The following PCDHGB2 variants were observed in gnomAD, a reference collection of about 807,000 sequenced individuals.
PCDHGB2 encodes the protein protocadherin gamma-B2.
A neutral mutation model predicts 59.3 loss-of-function variants in PCDHGB2; 55 were observed. That is an observed-to-expected ratio of 0.93 (90% CI 0.75 to 1.16). The LOEUF is 1.16. Ranked by LOEUF, PCDHGB2 falls within the 50% of genes most tolerant of loss-of-function variation. The pLI, the probability that PCDHGB2 is intolerant of heterozygous loss-of-function variation, is 0.00. For synonymous variants in PCDHGB2, 516 were observed against 512.0 expected (o/e 1.01, Z -0.11); for missense variants, 1,228 against 1,198.5 (o/e 1.02, Z -0.36).
intron 1 of PCDHGB2, chr5:141,400,486 CT>C: frequency 1.2e-6 from 2 of 1,614,034 alleles, no homozygotes; most frequent in African/African-American, 1.3e-5. Context: ...CTTATTTCCA[CT>C]TTGTAATTCC....
At chr5:141,384,606 AGAT>A (rs1561603197) in intron 1 of PCDHGB2, 6 of 1,614,152 alleles carry the variant, frequency 3.7e-6, no homozygotes, top group Non-Finnish European at 5.1e-6. Flanking sequence ...CCCTCCCCAC[AGAT>A]GGTTCTACTG....
chr5:141,470,037 G>A lies in PCDHGB2; in HGVS notation c.2422-24770G>A, dbSNP rs76537989. Among the ~76,000 whole-genome samples the A allele has an allele frequency of 2.3e-3, 347 of 152,258 alleles. 6 individuals are homozygous for A. The East Asian group carries it at 0.048, about 21-fold the overall frequency. On this transcript the variant is annotated intron_variant, in intron 1 of 3. Transcript: ENST00000522605. ...CCAGCTACTCGGGATGCTGAGGCGC[G>A]AGAACTGTTTGAACCCCGGAGGCAG...
At chr5:141,408,478 T>C (rs1433834175) in intron 1 of PCDHGB2, 1 of 1,614,056 alleles carries the variant, frequency 6.2e-7, no homozygotes, top group Non-Finnish European at 8.5e-7. Context: ...GAATAGACCG[T>C]GAGCAAATAT....
intron 2 of PCDHGB2, among the ~76,000 whole-genome samples, chr5:141,499,234 A>G (rs1294400331): frequency 6.6e-6 from 1 of 152,008 alleles, no homozygotes; most frequent in Non-Finnish European, 1.5e-5. Flanking sequence ...AGCTGTCCCC[A>G]GCCTCTGCAC....
rs1289333371 is a variant in PCDHGB2, at chr5:141,460,404, G to C, written c.2422-34403G>C. Among the ~76,000 whole-genome samples, 21 of 152,038 alleles carry C rather than the reference G, an allele frequency of 1.4e-4. 1 individual carries two copies. The highest frequency in any genetic ancestry group is 1.4e-3 in the Admixed American group (21 of 15,256). Reference sequence around the variant, plus strand: ...TATAATTTGGTCTATGAATCCTTTTGAGTTGATGTTTATGTATGGTGTATG... The same window carrying C: ...TATAATTTGGTCTATGAATCCTTTTCAGTTGATGTTTATGTATGGTGTATG... On this transcript the variant is annotated intron_variant, in intron 1 of 3. Transcript: ENST00000522605.
At chr5:141,428,122 G>T in intron 1 of PCDHGB2, 1 of 1,606,172 alleles carries the variant, frequency 6.2e-7, no homozygotes, top group Non-Finnish European at 8.5e-7. Flanking sequence ...ATCGAGCCCG[G>T]GCTTTTCAGC....
Position 141,361,570 on chromosome 5 carries a change from C to T in PCDHGB2, c.1435C>T (p.Pro479Ser). The T allele has an allele frequency of 6.2e-7, 1 of 1,614,036 alleles. No individual in the cohort carries two copies. Among genetic ancestry groups the T allele is most frequent in the Non-Finnish European group, 8.5e-7 (1 of 1,179,894 alleles). ...TATCGCTCAAATCAGTGCCTCTGACCCTGACTTGGGCCCCAGTGGCCAAGT... is the reference window on the plus strand; with the variant it reads ...TATCGCTCAAATCAGTGCCTCTGACTCTGACTTGGGCCCCAGTGGCCAAGT... Reference protein sequence around the residue: ...ASIAQISASDPDLGPSGQVSY... With the variant: ...ASIAQISASDSDLGPSGQVSY... Residue 479 changes from proline (P) to serine (S), a missense_variant, in exon 1 of 4, where the codon CCT (proline) becomes TCT (serine). This residue lies in a region of PCDHGB2 where 781 missense variants were observed against 721.6 expected (regional missense o/e 1.08). Coordinates refer to ENST00000522605, the MANE Select transcript of PCDHGB2 (RefSeq NM_018923.3).
At chr5:141,471,263 C>T (rs2099253826) in intron 1 of PCDHGB2, 1 of 151,898 alleles carries the variant, frequency 6.6e-6, no homozygotes, top group African/African-American at 2.4e-5. Context: ...GTTGGCAAGG[C>T]TGGTCTCAAA....
At chr5:141,438,548 C>T (rs1423036586) in intron 1 of PCDHGB2, among the ~76,000 whole-genome samples, 2 of 135,792 alleles carry the variant, frequency 1.5e-5, no homozygotes, top group Non-Finnish European at 3.1e-5. Context: ...ATATCTAAGC[C>T]CTAATAAGAG....
chr5:141,415,056 G>T, intron 1 of PCDHGB2: 1 of 1,613,416 alleles, frequency 6.2e-7, no homozygotes. Context: ...GGGAGCACAC[G>T]GGCGAGGTGC....
Position 141,491,166 on chromosome 5 carries a change from G to A in PCDHGB2, c.2422-3641G>A. 1 of 1,614,150 alleles carries A rather than the reference G, an allele frequency of 6.2e-7. No individual in the cohort carries two copies. The highest frequency in any genetic ancestry group is 8.5e-7 in the Non-Finnish European group (1 of 1,179,964). ...TACTGGAGGATGACTCTGACACCCA[G>A]CAGGTGGTGGTCCTGGTGAGGGACA... On this transcript the variant is annotated intron_variant, in intron 1 of 3. Transcript: ENST00000522605. The surrounding 1 kb of genome is among the most constrained non-coding windows in gnomAD (Gnocchi z 6.9).
chr5:141,410,598 C>T, intron 1 of PCDHGB2: 2 of 1,608,528 alleles, frequency 1.2e-6, no homozygotes, highest in Non-Finnish European at 1.7e-6. Context: ...GATTTGACTT[C>T]ACATCCTGAG....
chr5:141,362,601 A>T, intron 1 of PCDHGB2, 45 bp downstream of exon 1: 6 of 1,575,186 alleles, frequency 3.8e-6, no homozygotes, highest in Non-Finnish European at 5.2e-6. Flanking sequence ...TTATTGTTTC[A>T]CCTAATTTGG....
intron 1 of PCDHGB2, chr5:141,387,617 T>C (rs1169967462): frequency 3.5e-6 from 2 of 570,390 alleles, no homozygotes; most frequent in African/African-American, 3.8e-5. Context: ...AGTTTCCTAG[T>C]GCTGACTCTG....
intron 1 of PCDHGB2, chr5:141,383,690 T>C: frequency 1.9e-6 from 3 of 1,614,010 alleles, no homozygotes; most frequent in Non-Finnish European, 2.5e-6. Flanking sequence ...CTGCTCACGG[T>C]ACATGCTATC....
At chr5:141,508,756 C>A (rs890362975) in intron 3 of PCDHGB2, among the ~76,000 whole-genome samples, 2 of 151,904 alleles carry the variant, frequency 1.3e-5, no homozygotes, top group African/African-American at 4.8e-5. Flanking sequence ...CTTTCTCTGG[C>A]GCCTCTGAGG....
At position 141,431,569 on chromosome 5, in the gene PCDHGB2, CGAA is replaced by C. The variant is rs780392922; in HGVS notation, c.2422-63236_2422-63234del. The C allele has an allele frequency of 1.9e-6, 3 of 1,614,000 alleles. No homozygotes were observed. The highest frequency in any genetic ancestry group is 2.7e-5 in the African/African-American group (2 of 74,932). ...TTGTAGTCAACGCTACCGACCCTGA[CGAA>C]GGAGTCAATGCGGAAGTGAGGTATT... On this transcript the variant is annotated intron_variant, in intron 1 of 3. Transcript: ENST00000522605. This position sits in a 1 kb window ranked among gnomAD's most constrained non-coding sequence, Gnocchi z 4.8.
At chr5:141,422,758 A>G in intron 1 of PCDHGB2, 1 of 1,613,150 alleles carries the variant, frequency 6.2e-7, no homozygotes, top group Non-Finnish European at 8.5e-7. Flanking sequence ...TATTAACTCC[A>G]ACACTGGTGT....
chr5:141,486,140 C>T lies in PCDHGB2; in HGVS notation c.2422-8667C>T, dbSNP rs759476505. On this transcript the variant is annotated intron_variant, in intron 1 of 3. Coordinates refer to ENST00000522605, the MANE Select transcript of PCDHGB2 (RefSeq NM_018923.3). The surrounding 1 kb of genome is among the most constrained non-coding windows in gnomAD (Gnocchi z 5.0). ...TTACTATGAATTTGATGTGCGGGCT[C>T]GCGATGGGGGTTCTCCAGCCATGGA... 1 of 1,614,164 alleles carries T rather than the reference C, an allele frequency of 6.2e-7. No individual in the cohort carries two copies. The highest frequency in any genetic ancestry group is 1.3e-5 in the African/African-American group (1 of 75,030).
Sources: allele counts gnomAD v4.1 joint callset (sites outside exome capture counted in the v4.1 genomes callset), GRCh38; gene constraint gnomAD v4.1.1; regional missense constraint gnomAD v4.1.1; non-coding constraint Gnocchi (gnomAD v3.1); transcripts MANE v1.5; gene names NCBI Gene and HGNC (gene_info 2026-07-23, HGNC 2026-07-21).